The following DIAPH2 variants were observed in gnomAD, a reference collection of about 807,000 sequenced individuals.
DIAPH2 encodes the protein diaphanous related formin 2, also known as protein diaphanous homolog 2.
A neutral mutation model predicts 92.7 loss-of-function variants in DIAPH2; 35 were observed. The ratio of observed to expected loss-of-function variants is 0.38; its 90% confidence interval spans 0.29 to 0.50. The LOEUF (loss-of-function observed/expected upper bound fraction) is 0.50, where lower values mean the gene tolerates loss of function less well. DIAPH2 is among the 20% of genes least tolerant of loss of function. The pLI, the probability that DIAPH2 is intolerant of heterozygous loss-of-function variation, is 0.94. For missense variants in DIAPH2, 701 were observed against 819.5 expected (o/e 0.86, Z 1.77); for synonymous variants, 301 against 280.4 (o/e 1.07, Z -0.73).
chrX:97,131,354 G>A (rs2067136892), intron 21 of DIAPH2, among the ~76,000 whole-genome samples: 2 of 111,417 alleles, frequency 1.8e-5, no homozygotes, highest in South Asian at 3.8e-4. Flanking sequence ...TTCTAATTAC[G>A]CTTTTGTAAT....
At chrX:97,182,375 G>A (rs1472053034) in intron 22 of DIAPH2, among the ~76,000 whole-genome samples, 1 of 111,575 alleles carries the variant, frequency 9.0e-6, no homozygotes, top group South Asian at 3.8e-4. Context: ...TAATGGCCTC[G>A]AATGCCATGT....
chrX:96,827,715 A>G (rs1049222143), intron 4 of DIAPH2, among the ~76,000 whole-genome samples: 2 of 112,293 alleles, frequency 1.8e-5, no homozygotes, highest in Non-Finnish European at 3.8e-5. Context: ...AAATTGTAAA[A>G]CATAAGAACA....
intron 26 of DIAPH2, among the ~76,000 whole-genome samples, chrX:97,584,980 G>T (rs185838946): frequency 1.1e-4 from 12 of 112,262 alleles, no homozygotes; most frequent in Non-Finnish European, 1.5e-4. Flanking sequence ...ATTGCACCCT[G>T]TGATGACTCA....
chrX:96,780,921 C>T (rs1427266784), intron 4 of DIAPH2, among the ~76,000 whole-genome samples: 1 of 109,511 alleles, frequency 9.1e-6, no homozygotes, highest in Non-Finnish European at 1.9e-5. Flanking sequence ...ATTCTCCTAC[C>T]TCAGTGTCCT....
At chrX:97,107,309 C>T (rs907386663) in intron 20 of DIAPH2, among the ~76,000 whole-genome samples, 3 of 111,605 alleles carry the variant, frequency 2.7e-5, no homozygotes, top group African/African-American at 9.8e-5. Context: ...TTTCAACACT[C>T]AATTTTTTCA....
At chrX:97,551,464 C>T (rs962453868) in intron 26 of DIAPH2, among the ~76,000 whole-genome samples, 2 of 109,069 alleles carry the variant, frequency 1.8e-5, no homozygotes, top group Non-Finnish European at 3.8e-5. Context: ...GTGGCGCACA[C>T]CTGTAAACCC....
At chrX:96,951,962 A>C (rs981707801) in intron 15 of DIAPH2, among the ~76,000 whole-genome samples, 1 of 111,740 alleles carries the variant, frequency 8.9e-6, no homozygotes, top group Non-Finnish European at 1.9e-5. Context: ...ACTTTGAATT[A>C]TGTTGTCCAT....
chrX:96,915,245 GACTC>G (rs1339106835), intron 7 of DIAPH2, among the ~76,000 whole-genome samples: 1 of 110,525 alleles, frequency 9.0e-6, no homozygotes, highest in Non-Finnish European at 1.9e-5. Flanking sequence ...CAGTCTCAAT[GACTC>G]ATAAAGCTAT....
At chrX:97,267,957 C>G (rs1207913231) in intron 23 of DIAPH2, among the ~76,000 whole-genome samples, 1 of 111,828 alleles carries the variant, frequency 8.9e-6, no homozygotes, top group Admixed American at 9.5e-5. Context: ...AAAGTCAGCT[C>G]TTTGCTCCCT....
intron 26 of DIAPH2, among the ~76,000 whole-genome samples, chrX:97,494,305 C>T (rs765922381): frequency 2.7e-5 from 3 of 109,218 alleles, no homozygotes; most frequent in Admixed American, 9.8e-5. Context: ...GGCAACAGAG[C>T]GAGACTCTGT....
chrX:97,599,183 C>G (rs777413778), intron 26 of DIAPH2, 70 bp from the exon 27 acceptor site: 41 of 768,804 alleles, frequency 5.3e-5, no homozygotes, highest in Non-Finnish European at 7.3e-5. Flanking sequence ...CCTTTCTCAA[C>G]CTAACATCAT....
chrX:96,736,005 A>T (rs2064085366), intron 2 of DIAPH2, among the ~76,000 whole-genome samples: 1 of 112,097 alleles, frequency 8.9e-6, no homozygotes, highest in Admixed American at 9.5e-5. Context: ...TATCATCCTA[A>T]TATTTACCTT....
At chrX:96,737,095 T>G (rs2064092554) in intron 2 of DIAPH2, among the ~76,000 whole-genome samples, 1 of 112,021 alleles carries the variant, frequency 8.9e-6, no homozygotes, top group African/African-American at 3.2e-5. Context: ...AATCTTAAGT[T>G]AATGTGAAGA....
At position 97,119,774 on chromosome X, in the gene DIAPH2, C is replaced by T. The variant is rs145833780; in HGVS notation, c.2589+4809C>T. On this transcript the variant is annotated intron_variant, in intron 21 of 26. Transcript: ENST00000324765. ...CAGCTCAATGGAGTTGTGTACCTACCGTGGATTATGGTTGCCTCTGCTGAG... is the reference window on the plus strand; with the variant it reads ...CAGCTCAATGGAGTTGTGTACCTACTGTGGATTATGGTTGCCTCTGCTGAG... Among the ~76,000 whole-genome samples the T allele has an allele frequency of 8.1e-5, 9 of 111,223 alleles. No homozygotes were observed. The East Asian group carries it at 1.4e-3, about 18-fold the overall frequency.
rs746656763 is a variant in DIAPH2 at position 96,914,691 on chromosome X, C to G, written c.733-1747C>G. Among the ~76,000 whole-genome samples the G allele has an allele frequency of 4.6e-5, 5 of 109,100 alleles. No individual in the cohort carries two copies. In the South Asian group the frequency reaches 2.0e-3, roughly 43 times the overall value. The allele number at this position is 109,100 out of a possible 115,157, so 94.7% of individuals were successfully genotyped here. ...CCCTTTTTTTTTTTAACAGAACATA[C>G]TTTGATTTGTCAACATTTAGTTTCT... is the stretch of plus-strand genomic sequence containing the variant. On this transcript the variant is annotated intron_variant, in intron 7 of 26. Transcript: ENST00000324765.
intron 24 of DIAPH2, among the ~76,000 whole-genome samples, chrX:97,372,860 C>T (rs903712704): frequency 9.0e-6 from 1 of 110,536 alleles, no homozygotes; most frequent in Admixed American, 9.6e-5. Flanking sequence ...GCCTGTAGTC[C>T]CAGCTACTCA....
chrX:97,209,015 C>CAA (rs1287497195), intron 22 of DIAPH2, among the ~76,000 whole-genome samples: 2 of 110,480 alleles, frequency 1.8e-5, no homozygotes, highest in African/African-American at 6.6e-5. Context: ...ATAATCATTT[C>CAA]TAATTATTAT....
intron 17 of DIAPH2, among the ~76,000 whole-genome samples, chrX:97,002,739 C>T (rs1483284817): frequency 1.8e-5 from 2 of 111,460 alleles, no homozygotes; most frequent in Non-Finnish European, 3.8e-5. Context: ...ATAATGACAT[C>T]AGGGTAAATG....
chrX:97,566,862 T>C (rs1449939515), intron 26 of DIAPH2, among the ~76,000 whole-genome samples: 1 of 111,467 alleles, frequency 9.0e-6, no homozygotes, highest in Non-Finnish European at 1.9e-5. Context: ...CAATGTTAAG[T>C]GAAAGAATTA....
Sources: gnomAD v4.1 joint callset for allele counts (sites outside exome capture counted in the v4.1 genomes callset) on GRCh38, gnomAD v4.1.1 for gene constraint, MANE v1.5 for transcripts, NCBI Gene and HGNC (gene_info 2026-07-23, HGNC 2026-07-21) for gene names.